Variants in RAB19 observed in about 807,000 individuals in gnomAD.
The protein encoded by RAB19 is ras-related protein Rab-19.
RAB19 carries 21 observed loss-of-function variants against 17.3 expected under a neutral mutation model. That is an observed-to-expected ratio of 1.21 (90% CI 0.86 to 1.74). RAB19 has a LOEUF of 1.74. Among genes scored for constraint, RAB19 ranks in the 40% most tolerant of loss-of-function variants. RAB19 has a pLI of 0.00. For synonymous variants in RAB19, 126 were observed against 110.4 expected (o/e 1.14, Z -0.88); for missense variants, 277 against 286.8 (o/e 0.97, Z 0.25).
chr7:140,424,682 T>TATATATATAC (rs1198729969), intron 3 of RAB19, among the ~76,000 whole-genome samples: 5 of 92,040 alleles, frequency 5.4e-5, no homozygotes, highest in African/African-American at 2.4e-4. Context: ...TATATATATA[T>TATATATATAC]ACACATATCT....
At chr7:140,409,375 G>A (rs1214582051) in intron 2 of RAB19, among the ~76,000 whole-genome samples, 1 of 149,804 alleles carries the variant, frequency 6.7e-6, no homozygotes, top group Admixed American at 6.7e-5. Flanking sequence ...AAAAAAGAAA[G>A]AGGTCAAATT....
intron 3 of RAB19, among the ~76,000 whole-genome samples, chr7:140,415,827 C>T (rs1054981865): frequency 6.6e-6 from 1 of 151,854 alleles, no homozygotes; most frequent in Non-Finnish European, 1.5e-5. Flanking sequence ...CTTGCTTGAA[C>T]CCGGGAGGCG....
At chr7:140,422,182 T>C (rs1178933215) in intron 3 of RAB19, among the ~76,000 whole-genome samples, 2 of 151,420 alleles carry the variant, frequency 1.3e-5, no homozygotes, top group African/African-American at 4.9e-5. Flanking sequence ...AAGTCAGGAG[T>C]TCAAGACCAG....
chr7:140,424,659 G>GTATA, intron 3 of RAB19, among the ~76,000 whole-genome samples: 1 of 109,578 alleles, frequency 9.1e-6, no homozygotes, highest in African/African-American at 4.7e-5. Flanking sequence ...GTATATATGT[G>GTATA]TGTGTATATA....
In RAB19 at chr7:140,426,076, A is replaced by C; in HGVS notation, c.580A>C (p.Asn194His). ...GCACCTATATGGGGAGAGTGCCCTG[A>C]ACGGCCTCCCCCTGGACTCCAGCCC... is the stretch of plus-strand genomic sequence containing the variant. ...SLHLYGESAL[N>H]GLPLDSSPVL... Residue 194 changes from asparagine (N) to histidine (H), a missense_variant, in exon 4 of 4, where the codon AAC becomes CAC. Physicochemically the swap from Asn to His is moderately conservative, Grantham distance 68. Coordinates refer to ENST00000537763, the MANE Select transcript of RAB19 (RefSeq NM_001008749.3). 6.2e-7 allele frequency: 1 copy of C among 1,614,162 alleles called. No homozygotes were observed. Among genetic ancestry groups the C allele is most frequent in the Non-Finnish European group, 8.5e-7 (1 of 1,180,028 alleles).
Position 140,410,682 on chromosome 7 carries a change from C to T in RAB19, c.202-1192C>T, listed in dbSNP as rs563420430. ...CCACATTGCCCAGGCTGGTCTCAAA[C>T]CCCTGAGCTTAAGCGATCCGCCACC... is the stretch of plus-strand genomic sequence containing the variant. On this transcript the variant is annotated intron_variant, in intron 2 of 3. Coordinates refer to ENST00000537763, the MANE Select transcript of RAB19 (RefSeq NM_001008749.3). Among the ~76,000 whole-genome samples, 3 of 136,604 alleles carry T rather than the reference C, an allele frequency of 2.2e-5. No homozygotes were observed. In the South Asian group the frequency reaches 6.9e-4, roughly 32 times the overall value. 89.6% of individuals were successfully genotyped at this position (136,604 alleles called of 152,430 possible).
intron 2 of RAB19, among the ~76,000 whole-genome samples, chr7:140,409,435 C>T (rs149963938): frequency 2.6e-5 from 4 of 152,152 alleles, no homozygotes; most frequent in African/African-American, 9.6e-5. Context: ...TGGCTCATGC[C>T]TGTAATCCCA....
chr7:140,420,261 A>C (rs1799533029), intron 3 of RAB19, among the ~76,000 whole-genome samples: 1 of 152,048 alleles, frequency 6.6e-6, no homozygotes, highest in Non-Finnish European at 1.5e-5. Flanking sequence ...TCTCTACTAA[A>C]GATACAAAAA....
In RAB19 at chr7:140,411,789, T is replaced by G. The variant is rs193037327; in HGVS notation, c.202-85T>G. Reference sequence around the variant, plus strand: ...TATCTAGAAGTGAGACCCAGAAAACTGTGTTTTTAAGAAGATGTAGGTGAA... The same window carrying G: ...TATCTAGAAGTGAGACCCAGAAAACGGTGTTTTTAAGAAGATGTAGGTGAA... On this transcript the variant is annotated intron_variant, in intron 2 of 3. Coordinates refer to ENST00000537763, the MANE Select transcript of RAB19 (RefSeq NM_001008749.3). The G allele has an allele frequency of 1.5e-3, 2,440 of 1,608,344 alleles. 27 individuals carry two copies. In the East Asian group the frequency reaches 0.017, roughly 11 times the overall value.
chr7:140,418,730 G>A (rs1291500220), intron 3 of RAB19, among the ~76,000 whole-genome samples: 6 of 151,742 alleles, frequency 4.0e-5, no homozygotes, highest in Non-Finnish European at 5.9e-5. Context: ...ATGATGGCAT[G>A]CGCCTGTAGT....
Position 140,415,414 on chromosome 7 carries a change from A to T in RAB19, c.385+3357A>T, listed in dbSNP as rs540005922. Among the ~76,000 whole-genome samples the T allele has an allele frequency of 2.0e-3, 297 of 152,052 alleles. 1 individual carries two copies. The highest frequency in any genetic ancestry group is 6.8e-3 in the African/African-American group (284 of 41,472). ...GTCTCATAACTTTCTTCAACATCTGATATTTGTCCCTCTAAAGATCTCAGC... is the reference window on the plus strand; with the variant it reads ...GTCTCATAACTTTCTTCAACATCTGTTATTTGTCCCTCTAAAGATCTCAGC... On this transcript the variant is annotated intron_variant, in intron 3 of 3. Transcript: ENST00000537763.
At chr7:140,410,409 C>A (rs981688606) in intron 2 of RAB19, among the ~76,000 whole-genome samples, 4 of 133,570 alleles carry the variant, frequency 3.0e-5, no homozygotes, top group African/African-American at 1.1e-4. Context: ...TCACTGTAAG[C>A]TCCGCTTCCC....
intron 3 of RAB19, among the ~76,000 whole-genome samples, chr7:140,420,756 G>C (rs1799547609): frequency 6.6e-6 from 1 of 152,110 alleles, no homozygotes. Context: ...TGGGCACTAG[G>C]TTCTCTTGAA....
intron 2 of RAB19, among the ~76,000 whole-genome samples, chr7:140,410,405 T>C (rs930297389): frequency 2.8e-5 from 4 of 140,426 alleles, no homozygotes; most frequent in Non-Finnish European, 6.0e-5. Context: ...CGGCTCACTG[T>C]AAGCTCCGCT....
intron 3 of RAB19, among the ~76,000 whole-genome samples, chr7:140,423,423 G>A (rs1386160462): frequency 6.8e-6 from 1 of 146,658 alleles, no homozygotes; most frequent in Non-Finnish European, 1.5e-5. Flanking sequence ...CTGGGTAACA[G>A]AGAGAGACTA....
chr7:140,410,633 A>G (rs1041611836), intron 2 of RAB19, among the ~76,000 whole-genome samples: 2 of 150,268 alleles, frequency 1.3e-5, no homozygotes, highest in Non-Finnish European at 3.0e-5. Flanking sequence ...GCCTTTTTGT[A>G]TTTTTCGTAC....
intron 3 of RAB19, among the ~76,000 whole-genome samples, chr7:140,414,367 G>A (rs925160572): frequency 5.9e-5 from 9 of 152,036 alleles, no homozygotes; most frequent in African/African-American, 1.2e-4. Flanking sequence ...TGAAGGCAGC[G>A]ACCTGTCTCC....
At chr7:140,424,804 T>G (rs62490410) in intron 3 of RAB19, among the ~76,000 whole-genome samples, 25,100 of 151,586 alleles carry the variant, frequency 0.17, 2,665 homozygotes, top group African/African-American at 0.3. Context: ...CTACAGAGGC[T>G]CTTGTGGGGA....
chr7:140,410,922 A>G lies in RAB19; in HGVS notation c.202-952A>G, dbSNP rs767384296. 4 of 1,367,648 alleles carry G rather than the reference A, an allele frequency of 2.9e-6. No individual in the cohort carries two copies. The South Asian group carries it at 4.5e-5, about 16-fold the overall frequency. The allele number at this position is 1,367,648 out of a possible 1,614,324, so 84.7% of individuals were successfully genotyped here. The stretch of plus-strand genomic sequence containing the variant: ...TTGGGTGGCTAATTTGGGAGGTATT[A>G]TTGTGAGAACATTCCAAACATGAAC... On this transcript the variant is annotated intron_variant, in intron 2 of 3. Transcript: ENST00000537763.
Sources: gnomAD v4.1 joint callset for allele counts (sites outside exome capture counted in the v4.1 genomes callset) on GRCh38, gnomAD v4.1.1 for gene constraint, MANE v1.5 for transcripts, NCBI Gene and HGNC (gene_info 2026-07-23, HGNC 2026-07-21) for gene names.